Variants in EFR3A observed in about 807,000 individuals in gnomAD.
The protein encoded by EFR3A is protein EFR3 homolog A.
A neutral mutation model predicts 104.4 loss-of-function variants in EFR3A; 76 were observed. The observed-to-expected ratio is 0.73, with a 90% CI of 0.60 to 0.88. The LOEUF is 0.88. Among genes scored for constraint, EFR3A ranks in the 40% least tolerant of loss-of-function variants. The probability of loss-of-function intolerance (pLI) is 0.00; values close to 1 mark genes in which losing one functional copy is unlikely to be tolerated. For synonymous variants in EFR3A, 330 were observed against 330.0 expected (o/e 1.00, Z 0.00); for missense variants, 985 against 1,012.5 (o/e 0.97, Z 0.37).
intron 22 of EFR3A, among the ~76,000 whole-genome samples, 159 bp from the exon 23 acceptor site, chr8:132,010,631 T>C (rs779270603): frequency 7.2e-5 from 11 of 151,920 alleles, no homozygotes; most frequent in Non-Finnish European, 1.5e-4. Flanking sequence ...CTGCAGTCTG[T>C]TTCCCATGCA....
chr8:131,971,557 G>A (rs932585110), intron 10 of EFR3A, among the ~76,000 whole-genome samples: 8 of 151,774 alleles, frequency 5.3e-5, no homozygotes, highest in South Asian at 2.1e-4. Flanking sequence ...GCGAGGTGGC[G>A]GGCACCTGTA....
At chr8:132,002,903 T>G (rs1821854009) in intron 21 of EFR3A, among the ~76,000 whole-genome samples, 197 bp downstream of exon 21, 1 of 152,212 alleles carries the variant, frequency 6.6e-6, no homozygotes, top group African/African-American at 2.4e-5. Flanking sequence ...CTGATGGAAA[T>G]AGTGGAACTG....
chr8:131,963,664 C>T (rs1364325381), intron 8 of EFR3A, among the ~76,000 whole-genome samples: 3 of 152,170 alleles, frequency 2.0e-5, no homozygotes, highest in Non-Finnish European at 2.9e-5. Context: ...TGGTACCATG[C>T]CTTTTGAAAC....
intron 6 of EFR3A, among the ~76,000 whole-genome samples, chr8:131,954,915 C>T (rs1036348046): frequency 1.3e-5 from 2 of 152,010 alleles, no homozygotes; most frequent in Non-Finnish European, 2.9e-5. Context: ...TTAACTTACA[C>T]TAATTACAGA....
chr8:132,004,536 T>C (rs918362060), intron 22 of EFR3A, among the ~76,000 whole-genome samples: 6 of 152,192 alleles, frequency 3.9e-5, no homozygotes, highest in African/African-American at 1.4e-4. Flanking sequence ...AAAAACTGTC[T>C]TCCACAAAAC....
At chr8:131,929,701 T>A (rs184916350) in intron 1 of EFR3A, among the ~76,000 whole-genome samples, 1 of 152,152 alleles carries the variant, frequency 6.6e-6, no homozygotes, top group African/African-American at 2.4e-5. Flanking sequence ...GTTAAAAGAA[T>A]ACATGAGATT....
intron 5 of EFR3A, 115 bp from the exon 6 acceptor site, chr8:131,953,703 T>A (rs1477914649): frequency 1.4e-5 from 14 of 999,426 alleles, no homozygotes; most frequent in Non-Finnish European, 1.9e-5. Context: ...TTTTAAGATA[T>A]TTTATTGATA....
chr8:131,927,047 C>T (rs1817335059), intron 1 of EFR3A, among the ~76,000 whole-genome samples: 1 of 152,114 alleles, frequency 6.6e-6, no homozygotes, highest in Non-Finnish European at 1.5e-5. Flanking sequence ...ACATTTCACC[C>T]TGTGAGTCTT....
intron 21 of EFR3A, 74 bp from the exon 22 acceptor site, chr8:132,003,160 CTT>C: frequency 1.7e-6 from 2 of 1,170,512 alleles, no homozygotes; most frequent in South Asian, 2.7e-5. Context: ...TACTTTGTCT[CTT>C]AAGTTACATT....
intron 1 of EFR3A, among the ~76,000 whole-genome samples, chr8:131,904,819 T>G (rs1228988397): frequency 6.6e-6 from 1 of 152,124 alleles, no homozygotes; most frequent in Non-Finnish European, 1.5e-5. Flanking sequence ...AGTCGGAGCT[T>G]TCTGTGGAGC....
chr8:132,009,513 A>G (rs1822217920), intron 22 of EFR3A, among the ~76,000 whole-genome samples: 1 of 152,112 alleles, frequency 6.6e-6, no homozygotes, highest in African/African-American at 2.4e-5. Context: ...CTTACACCAG[A>G]TTGGACCTGC....
intron 7 of EFR3A, among the ~76,000 whole-genome samples, chr8:131,956,514 C>T (rs1819003925): frequency 6.6e-6 from 1 of 152,154 alleles, no homozygotes; most frequent in African/African-American, 2.4e-5. Flanking sequence ...GATGATAGAT[C>T]TACTATATAA....
At chr8:131,992,873 G>A (rs76909325) in intron 18 of EFR3A, among the ~76,000 whole-genome samples, 4 of 152,074 alleles carry the variant, frequency 2.6e-5, no homozygotes, top group African/African-American at 4.8e-5. Flanking sequence ...AAGCAGTTTG[G>A]GGGGCATGGC....
Position 132,012,429 on chromosome 8 carries a change from GGCTGCTTCTTA to G in EFR3A, c.*1535_*1545del, listed in dbSNP as rs1317680545. On this transcript the variant is annotated 3_prime_UTR_variant, in exon 23 of 23. Transcript: ENST00000254624. ...TATGAAATGACACTGAAAGATCCTGGGCTGCTTCTTAAATAAGTAGATCAGCAAGACTTGTT... is the reference window on the plus strand; with the variant it reads ...TATGAAATGACACTGAAAGATCCTGGAATAAGTAGATCAGCAAGACTTGTT... 6.6e-6 allele frequency: 1 copy of G among 152,174 alleles called. No homozygotes were observed. Among genetic ancestry groups the G allele is most frequent in the Non-Finnish European group, 1.5e-5 (1 of 68,022 alleles). 9.4% of individuals were successfully genotyped at this position (152,174 alleles called of 1,614,324 possible).
chr8:132,010,925 T>C lies in EFR3A; in HGVS notation c.*30T>C. ...CGCATGAAGACCTCAGGATATGATT[T>C]GTAAAGCCTAAAAATTAAGGCCAAG... On this transcript the variant is annotated 3_prime_UTR_variant, in exon 23 of 23. Coordinates refer to ENST00000254624, the MANE Select transcript of EFR3A (RefSeq NM_015137.6). The C allele has an allele frequency of 6.5e-7, 1 of 1,548,730 alleles. No individual in the cohort carries two copies. The highest frequency in any genetic ancestry group is 8.8e-7 in the Non-Finnish European group (1 of 1,134,708).
At chr8:131,944,685 C>G (rs1818336048) in intron 2 of EFR3A, 60 bp from the exon 3 acceptor site, 1 of 1,469,760 alleles carries the variant, frequency 6.8e-7, no homozygotes, top group African/African-American at 1.4e-5. Flanking sequence ...GCAGGCAACA[C>G]TTAAAAATAT....
chr8:131,973,888 A>T (rs1373652566), intron 10 of EFR3A, among the ~76,000 whole-genome samples: 1 of 152,058 alleles, frequency 6.6e-6, no homozygotes, highest in Non-Finnish European at 1.5e-5. Context: ...GAAGACTCCT[A>T]CCCAATTTTA....
intron 10 of EFR3A, among the ~76,000 whole-genome samples, chr8:131,975,385 A>G (rs994322353): frequency 2.6e-5 from 4 of 151,396 alleles, no homozygotes; most frequent in African/African-American, 9.7e-5. Flanking sequence ...ATACTACCAA[A>G]ATATTTTTCC....
chr8:131,989,396 A>G (rs1032625242), intron 18 of EFR3A, among the ~76,000 whole-genome samples: 4 of 152,198 alleles, frequency 2.6e-5, no homozygotes, highest in Non-Finnish European at 4.4e-5. Context: ...ACCATTTATT[A>G]TGCACTGTGT....
Sources: gnomAD v4.1 joint callset for allele counts (sites outside exome capture counted in the v4.1 genomes callset) on GRCh38, gnomAD v4.1.1 for gene constraint, MANE v1.5 for transcripts, NCBI Gene and HGNC (gene_info 2026-07-23, HGNC 2026-07-21) for gene names.